Variants in ANKFN1 observed in about 807,000 individuals in gnomAD.
ANKFN1 encodes ankyrin repeat and fibronectin type III domain containing 1.
ANKFN1 carries 74 observed loss-of-function variants against 108.7 expected under a neutral mutation model. The ratio of observed to expected loss-of-function variants is 0.68; its 90% confidence interval spans 0.56 to 0.83. The LOEUF (loss-of-function observed/expected upper bound fraction) is 0.83. ANKFN1 is among the 40% of genes least tolerant of loss of function. ANKFN1 has a pLI of 0.00. For missense variants in ANKFN1, 1,505 were observed against 1,382.3 expected (o/e 1.09, Z -1.41); for synonymous variants, 547 against 516.2 (o/e 1.06, Z -0.81).
intron 3 of ANKFN1, among the ~76,000 whole-genome samples, chr17:56,305,136 A>G (rs561537803): frequency 3.9e-5 from 6 of 152,334 alleles, no homozygotes; most frequent in African/African-American, 1.4e-4. Flanking sequence ...AGCACCAAGA[A>G]GTGCCAAGCA....
chr17:56,296,104 C>T (rs12602133), intron 3 of ANKFN1, among the ~76,000 whole-genome samples: 28,591 of 151,670 alleles, frequency 0.19, 3,571 homozygotes, highest in African/African-American at 0.37. Context: ...GTAGTAGCTT[C>T]TATTATTGAA....
At chr17:56,300,657 A>G (rs552130666) in intron 3 of ANKFN1, among the ~76,000 whole-genome samples, 3 of 151,926 alleles carry the variant, frequency 2.0e-5, no homozygotes, top group Admixed American at 2.0e-4. Flanking sequence ...GATGGGTCAG[A>G]CAGACAAGCT....
chr17:56,049,157 T>C (rs1904730864), intron 4 of ANKFN1, among the ~76,000 whole-genome samples: 1 of 152,234 alleles, frequency 6.6e-6, no homozygotes, highest in South Asian at 2.1e-4. Context: ...CTTTGTGTCT[T>C]ATCCATTTGG....
chr17:56,227,279 A>G (rs1916353862), intron 2 of ANKFN1, among the ~76,000 whole-genome samples: 1 of 152,138 alleles, frequency 6.6e-6, no homozygotes, highest in South Asian at 2.1e-4. Flanking sequence ...ACACTGAACA[A>G]ATTGCCTGCA....
chr17:56,409,490 G>A (rs184261143), intron 8 of ANKFN1, among the ~76,000 whole-genome samples: 8 of 152,294 alleles, frequency 5.3e-5, no homozygotes, highest in South Asian at 4.1e-4. Context: ...AGAACAACAC[G>A]GAGATGACTT....
Position 56,498,893 on chromosome 17 carries a change from A to T in ANKFN1, c.2439A>T (p.Glu813Asp). The change falls in exon 20 of 21, where the codon GAA becomes GAT. Residue 813 changes from glutamate to aspartate, a missense_variant. Physicochemically the swap from Glu to Asp is conservative, Grantham distance 45. Coordinates refer to ENST00000682825, the MANE Select transcript of ANKFN1 (RefSeq NM_001370326.1). ...ATTTTATTCCAAAGCAAATAGATGAAGTCTGGCGTGAAATGAGATGGATCA... is the reference window on the plus strand; with the variant it reads ...ATTTTATTCCAAAGCAAATAGATGATGTCTGGCGTGAAATGAGATGGATCA... ...QVLDFIQQID[E>D]VWREMRWIMD... 2 of 1,535,472 alleles carry T rather than the reference A, an allele frequency of 1.3e-6. No individual in the cohort carries two copies. Among genetic ancestry groups the T allele is most frequent in the Non-Finnish European group, 1.7e-6 (2 of 1,146,392 alleles).
chr17:56,372,871 A>G (rs1475269767), intron 7 of ANKFN1, 31 bp downstream of exon 7: 2 of 1,588,572 alleles, frequency 1.3e-6, no homozygotes, highest in Non-Finnish European at 1.7e-6. Flanking sequence ...TCTACATTTC[A>G]CTAGACTGAG....
chr17:56,510,677 G>C lies in ANKFN1; in HGVS notation c.2849G>C (p.Gly950Ala). ...LQVHDVKTPL[G>A]PGQDPQGEGP... Reference sequence around the variant, plus strand: ...GTGCACGACGTGAAAACCCCTCTGGGGCCGGGCCAGGATCCCCAGGGCGAG... The same window carrying C: ...GTGCACGACGTGAAAACCCCTCTGGCGCCGGGCCAGGATCCCCAGGGCGAG... Residue 950 changes from glycine to alanine, a missense_variant, in exon 21 of 21, where the codon GGG becomes GCG. Gly to Ala is a moderately conservative substitution (Grantham distance 60). Coordinates refer to ENST00000682825, the MANE Select transcript of ANKFN1 (RefSeq NM_001370326.1). The C allele has an allele frequency of 6.5e-7, 1 of 1,536,138 alleles. No individual in the cohort carries two copies. The highest frequency in any genetic ancestry group is 8.7e-7 in the Non-Finnish European group (1 of 1,146,910).
chr17:56,079,907 G>A (rs1905225604), intron 4 of ANKFN1, among the ~76,000 whole-genome samples: 1 of 152,080 alleles, frequency 6.6e-6, no homozygotes, highest in Non-Finnish European at 1.5e-5. Context: ...ACACATAAGA[G>A]GGCAGGGTAA....
intron 1 of ANKFN1, among the ~76,000 whole-genome samples, chr17:56,210,868 A>G (rs117589345): frequency 0.021 from 3,255 of 152,206 alleles, 53 homozygotes; most frequent in Middle Eastern, 0.041. Flanking sequence ...CATGGGGGAA[A>G]CCGCCCCCTT....
intron 3 of ANKFN1, among the ~76,000 whole-genome samples, chr17:56,313,354 G>T (rs1310423107): frequency 6.6e-6 from 1 of 152,136 alleles, no homozygotes; most frequent in East Asian, 1.9e-4. Flanking sequence ...ATATGAAGCT[G>T]TGCAGATTGT....
intron 14 of ANKFN1, among the ~76,000 whole-genome samples, chr17:56,460,673 A>G (rs910492010): frequency 1.3e-5 from 2 of 151,580 alleles, no homozygotes; most frequent in African/African-American, 4.9e-5. Flanking sequence ...TTTATTTCAG[A>G]AGGTAAAGTC....
chr17:56,343,185 A>T (rs1316364829), intron 4 of ANKFN1, among the ~76,000 whole-genome samples: 1 of 151,372 alleles, frequency 6.6e-6, no homozygotes, highest in African/African-American at 2.4e-5. Flanking sequence ...TTGAGTCTAT[A>T]TGTGTCATTG....
At chr17:56,103,650 C>T (rs547171505) in intron 4 of ANKFN1, among the ~76,000 whole-genome samples, 137 of 152,208 alleles carry the variant, frequency 9.0e-4, no homozygotes, top group African/African-American at 3.2e-3. Flanking sequence ...TTCATTCAAC[C>T]AGCATAATCA....
chr17:56,411,734 T>G (rs2048096462), intron 8 of ANKFN1, among the ~76,000 whole-genome samples: 1 of 152,234 alleles, frequency 6.6e-6, no homozygotes, highest in South Asian at 2.1e-4. Flanking sequence ...TTACTGTATC[T>G]ATTGAGATAA....
chr17:56,353,443 G>A (rs1429213173), intron 5 of ANKFN1, among the ~76,000 whole-genome samples: 6 of 152,034 alleles, frequency 3.9e-5, no homozygotes, highest in African/African-American at 1.4e-4. Flanking sequence ...CACTATGTTG[G>A]CTAGGCTGGT....
At chr17:56,295,820 G>A (rs1227464731) in intron 3 of ANKFN1, among the ~76,000 whole-genome samples, 1 of 152,192 alleles carries the variant, frequency 6.6e-6, no homozygotes, top group Non-Finnish European at 1.5e-5. Context: ...GAATGAGAGA[G>A]AGAAGAGGGG....
At chr17:56,169,012 A>G (rs1276581797) in intron 1 of ANKFN1, among the ~76,000 whole-genome samples, 3 of 152,186 alleles carry the variant, frequency 2.0e-5, no homozygotes, top group Non-Finnish European at 2.9e-5. Flanking sequence ...CTGCTTGAAT[A>G]CTGTGAGGAA....
rs577369970 is a variant in ANKFN1, at chr17:56,166,393, C to T, written c.-71+12863C>T. Among the ~76,000 whole-genome samples, 96 of 152,250 alleles carry T rather than the reference C, an allele frequency of 6.3e-4. 1 individual carries two copies. Among genetic ancestry groups the T allele is most frequent in the Non-Finnish European group, 6.5e-4 (44 of 68,004 alleles). On this transcript the variant is annotated intron_variant, in intron 1 of 20. Transcript: ENST00000682825. ...TGATCTTTGGCTTTTTCCCACTGAG[C>T]GCTAATAAGCTTCAAAATCATCCAT...
Sources: gnomAD v4.1 joint callset for allele counts (sites outside exome capture counted in the v4.1 genomes callset) on GRCh38, gnomAD v4.1.1 for gene constraint, MANE v1.5 for transcripts, NCBI Gene and HGNC (gene_info 2026-07-23, HGNC 2026-07-21) for gene names.